The following EPHA3 variants were observed in gnomAD, a reference collection of about 807,000 sequenced individuals.
The protein encoded by EPHA3 is ephrin type-A receptor 3.
EPHA3 carries 42 observed loss-of-function variants against 107.1 expected under a neutral mutation model. The observed-to-expected ratio is 0.39, with a 90% CI of 0.31 to 0.51. EPHA3 has a LOEUF of 0.51. EPHA3 is among the 20% of genes least tolerant of loss of function. EPHA3 has a pLI of 0.78. For missense variants in EPHA3, 1,183 were observed against 1,211.2 expected (o/e 0.98, Z 0.35); for synonymous variants, 461 against 424.8 (o/e 1.09, Z -1.05).
intron 5 of EPHA3, among the ~76,000 whole-genome samples, chr3:89,348,118 T>C (rs890866345): frequency 5.0e-4 from 73 of 147,276 alleles, no homozygotes; most frequent in African/African-American, 1.7e-3. Context: ...ATCAGAATGA[T>C]GCTGGCCTCA....
rs187223063 is a variant in EPHA3, at chr3:89,275,800, T to A, written c.815-65116T>A. 3.9e-5 allele frequency among the ~76,000 whole-genome samples: 6 copies of A among 152,228 alleles called. No homozygotes were observed. In the East Asian group the frequency reaches 1.2e-3, roughly 29 times the overall value. On this transcript the variant is annotated intron_variant, in intron 3 of 16. Coordinates refer to ENST00000336596, the MANE Select transcript of EPHA3 (RefSeq NM_005233.6). ...ATCTTGGTTTATTTTATTCATTGAC[T>A]CAATATTTATTGAAGGCATACTAAA...
intron 1 of EPHA3, among the ~76,000 whole-genome samples, chr3:89,120,786 T>A (rs1303704364): frequency 6.6e-6 from 1 of 152,162 alleles, no homozygotes; most frequent in Non-Finnish European, 1.5e-5. Flanking sequence ...TTCTATAAGA[T>A]CTTTATAGAA....
At chr3:89,205,202 A>G (rs1438355521) in intron 2 of EPHA3, among the ~76,000 whole-genome samples, 2 of 152,290 alleles carry the variant, frequency 1.3e-5, no homozygotes. Context: ...TCCTCACCTT[A>G]CTACCCCTTG....
chr3:89,399,738 T>TTA, intron 7 of EPHA3: 2 of 1,186,806 alleles, frequency 1.7e-6, no homozygotes, highest in Non-Finnish European at 2.1e-6. Flanking sequence ...TTTTTTTTTT[T>TTA]AGCCATAAAT....
intron 3 of EPHA3, among the ~76,000 whole-genome samples, chr3:89,278,815 G>A (rs1424420290): frequency 6.6e-6 from 1 of 152,136 alleles, no homozygotes; most frequent in East Asian, 1.9e-4. Context: ...AAAGAAATGT[G>A]CTAAAATGAG....
At chr3:89,305,350 C>T (rs1271355508) in intron 3 of EPHA3, among the ~76,000 whole-genome samples, 1 of 152,054 alleles carries the variant, frequency 6.6e-6, no homozygotes, top group Admixed American at 6.6e-5. Context: ...CAAATCATGC[C>T]ATCTGTTAGC....
intron 3 of EPHA3, among the ~76,000 whole-genome samples, chr3:89,255,523 CAG>C (rs553623762): frequency 1.3e-5 from 2 of 152,216 alleles, no homozygotes; most frequent in Non-Finnish European, 2.9e-5. Context: ...GTAGTTATGA[CAG>C]GGGCCATATG....
intron 15 of EPHA3, among the ~76,000 whole-genome samples, chr3:89,466,487 C>G (rs1457964707): frequency 7.5e-6 from 1 of 132,980 alleles, no homozygotes; most frequent in Non-Finnish European, 1.6e-5. Context: ...AGCGAGACTC[C>G]GTGGGCGTAG....
chr3:89,415,491 T>A (rs1384263877), intron 10 of EPHA3, among the ~76,000 whole-genome samples: 1 of 146,574 alleles, frequency 6.8e-6, no homozygotes, highest in Non-Finnish European at 1.5e-5. Flanking sequence ...TATATATATA[T>A]AAGCTAATTC....
chr3:89,112,378 T>C lies in EPHA3; in HGVS notation c.88+4542T>C, dbSNP rs1411709557. ...CACGTTGCTCTTAATAAGTTTATTA[T>C]TAAATAAATGATTTAGTAACATTCT... On this transcript the variant is annotated intron_variant, in intron 1 of 16. Coordinates refer to ENST00000336596, the MANE Select transcript of EPHA3 (RefSeq NM_005233.6). 2.6e-5 allele frequency among the ~76,000 whole-genome samples: 4 copies of C among 152,186 alleles called. No individual in the cohort carries two copies. The East Asian group carries it at 7.7e-4, about 29-fold the overall frequency.
At chr3:89,375,158 A>G (rs560759311) in intron 5 of EPHA3, among the ~76,000 whole-genome samples, 3 of 151,836 alleles carry the variant, frequency 2.0e-5, no homozygotes, top group East Asian at 3.9e-4. Context: ...CTCAAAGCCA[A>G]AACTACCCAG....
chr3:89,144,131 G>GT (rs1432873773), intron 2 of EPHA3, among the ~76,000 whole-genome samples: 1 of 151,582 alleles, frequency 6.6e-6, no homozygotes, highest in African/African-American at 2.4e-5. Flanking sequence ...GTATTCTACA[G>GT]TTCTGTTGGT....
At position 89,415,318 on chromosome 3, in the gene EPHA3, C is replaced by T. The variant is rs183529241; in HGVS notation, c.1888+2052C>T. Among the ~76,000 whole-genome samples, 896 of 150,722 alleles carry T rather than the reference C, an allele frequency of 5.9e-3. 11 individuals are homozygous for T. The highest frequency in any genetic ancestry group is 0.02 in the African/African-American group (820 of 41,300). ...CTTGGTTGGTATATACATTTACCTA[C>T]TTCCTACATTCTTAATCTTAAAAAA... On this transcript the variant is annotated intron_variant, in intron 10 of 16. Transcript: ENST00000336596.
intron 2 of EPHA3, among the ~76,000 whole-genome samples, chr3:89,166,551 A>G (rs1705073870): frequency 6.6e-6 from 1 of 152,206 alleles, no homozygotes; most frequent in African/African-American, 2.4e-5. Flanking sequence ...AACAACACCA[A>G]CCATAAAAAC....
At chr3:89,341,196 G>A in intron 4 of EPHA3, 125 bp downstream of exon 4, 1 of 948,792 alleles carries the variant, frequency 1.1e-6, no homozygotes, top group Non-Finnish European at 1.6e-6. Flanking sequence ...CAAATTGAAA[G>A]CTTTCTCTGC....
intron 3 of EPHA3, among the ~76,000 whole-genome samples, chr3:89,318,882 T>A (rs1289349504): frequency 6.6e-6 from 1 of 151,912 alleles, no homozygotes; most frequent in Admixed American, 6.6e-5. Flanking sequence ...TTTTGTGAAA[T>A]CAGAACACAC....
At chr3:89,448,277 A>G (rs1559700000) in intron 13 of EPHA3, among the ~76,000 whole-genome samples, 1 of 152,120 alleles carries the variant, frequency 6.6e-6, no homozygotes, top group Non-Finnish European at 1.5e-5. Flanking sequence ...GCTGTATATG[A>G]TTTATATGCA....
At chr3:89,225,983 A>G (rs181714993) in intron 3 of EPHA3, among the ~76,000 whole-genome samples, 1 of 152,256 alleles carries the variant, frequency 6.6e-6, no homozygotes, top group East Asian at 1.9e-4. Context: ...AAGCAAATAA[A>G]AATATTCGTA....
intron 3 of EPHA3, among the ~76,000 whole-genome samples, chr3:89,235,879 C>A (rs1704746431): frequency 6.6e-6 from 1 of 151,574 alleles, no homozygotes; most frequent in Non-Finnish European, 1.5e-5. Context: ...TAAAGAATTT[C>A]TATGTATTAA....
Sources: allele counts gnomAD v4.1 joint callset (sites outside exome capture counted in the v4.1 genomes callset), GRCh38; gene constraint gnomAD v4.1.1; transcripts MANE v1.5; gene names NCBI Gene and HGNC (gene_info 2026-07-23, HGNC 2026-07-21).